KSR2: variants seen among roughly 807,000 people sequenced by gnomAD.
KSR2 encodes the protein kinase suppressor of ras 2.
KSR2 carries 25 observed loss-of-function variants against 107.8 expected under a neutral mutation model. The ratio of observed to expected loss-of-function variants is 0.23; its 90% confidence interval spans 0.17 to 0.32. The LOEUF is 0.32. Among genes scored for constraint, KSR2 ranks in the 10% least tolerant of loss-of-function variants. KSR2 has a pLI of 1.00. For synonymous variants in KSR2, 480 were observed against 507.0 expected, an observed-to-expected ratio of 0.95 and a Z score of 0.71; for missense variants, 887 against 1,268.9, an observed-to-expected ratio of 0.70 and a Z score of 4.57.
In KSR2 at chr12:117,884,920, C is replaced by T. The variant is rs547241422; in HGVS notation, c.181-24489G>A. On this transcript the variant is annotated intron_variant, in intron 1 of 19. Transcript: ENST00000339824. ...AATGGATTAGAAACAACCATAGCAC[C>T]TGCCGTGTAGGAAAACTGCACAGAA... 2.4e-4 allele frequency among the ~76,000 whole-genome samples: 36 copies of T among 152,282 alleles called. 1 individual carries two copies. Among genetic ancestry groups the T allele is most frequent in the Non-Finnish European group, 4.4e-4 (30 of 68,018 alleles).
intron 3 of KSR2, among the ~76,000 whole-genome samples, chr12:117,781,857 C>T (rs148821782): frequency 9.2e-5 from 14 of 152,230 alleles, no homozygotes; most frequent in African/African-American, 2.6e-4. Context: ...GAGATGCTGC[C>T]GAACCCAGAG....
chr12:117,720,609 G>A (rs1436126003), intron 4 of KSR2, among the ~76,000 whole-genome samples: 1 of 152,226 alleles, frequency 6.6e-6, no homozygotes, highest in Non-Finnish European at 1.5e-5. Context: ...TGTGTGCCAG[G>A]CAATGATAAG....
intron 14 of KSR2, among the ~76,000 whole-genome samples, chr12:117,506,778 T>C (rs1208818200): frequency 6.6e-6 from 1 of 152,164 alleles, no homozygotes; most frequent in African/African-American, 2.4e-5. Context: ...GCTTCCATAA[T>C]AGGATTGCCT....
intron 9 of KSR2, among the ~76,000 whole-genome samples, chr12:117,541,546 C>T (rs1342164406): frequency 6.6e-6 from 1 of 152,162 alleles, no homozygotes; most frequent in Non-Finnish European, 1.5e-5. Flanking sequence ...GCTAAGTGTT[C>T]CCAGGGGAGC....
At chr12:117,740,082 C>T (rs1181272206) in intron 4 of KSR2, among the ~76,000 whole-genome samples, 1 of 151,272 alleles carries the variant, frequency 6.6e-6, no homozygotes, top group South Asian at 2.1e-4. Flanking sequence ...CAGTGGCCCC[C>T]CACCCTTCCT....
At chr12:117,571,157 C>T (rs865792734) in intron 7 of KSR2, among the ~76,000 whole-genome samples, 6 of 152,162 alleles carry the variant, frequency 3.9e-5, no homozygotes, top group Middle Eastern at 3.4e-3. Context: ...ACTCAGGAGG[C>T]GGAGGCGGGA....
chr12:117,921,746 T>C (rs1399505307), intron 1 of KSR2, among the ~76,000 whole-genome samples: 1 of 152,198 alleles, frequency 6.6e-6, no homozygotes, highest in East Asian at 1.9e-4. Context: ...TACACGCTCA[T>C]TAAATGACAG....
At chr12:117,499,331 T>A (rs1317271452) in intron 14 of KSR2, among the ~76,000 whole-genome samples, 2 of 152,250 alleles carry the variant, frequency 1.3e-5, no homozygotes, top group Non-Finnish European at 2.9e-5. Flanking sequence ...ATAAGGTTTT[T>A]TTTCCCCTTG....
chr12:117,685,284 C>T (rs545879364), intron 4 of KSR2, among the ~76,000 whole-genome samples: 7 of 152,310 alleles, frequency 4.6e-5, no homozygotes, highest in East Asian at 1.9e-4. Context: ...ACCCATAAAT[C>T]GGTTACAGAC....
At chr12:117,755,370 A>T (rs1888752454) in intron 4 of KSR2, among the ~76,000 whole-genome samples, 1 of 152,208 alleles carries the variant, frequency 6.6e-6, no homozygotes, top group South Asian at 2.1e-4. Context: ...AGCTCACTTC[A>T]TGCCTCTGTG....
chr12:117,501,390 CA>C lies in KSR2; in HGVS notation c.2220-15700del, dbSNP rs549187368. On this transcript the variant is annotated intron_variant, in intron 14 of 19. Transcript: ENST00000339824. ...TGGAGCCAACAGAAATTGGGCTACT[CA>C]AACTAGAAGGGCTTTCTTCAATTTC... 1.1e-4 allele frequency among the ~76,000 whole-genome samples: 16 copies of C among 152,356 alleles called. No individual in the cohort carries two copies. The East Asian group carries it at 2.9e-3, about 28-fold the overall frequency.
chr12:117,961,232 T>A (rs1896649218), intron 1 of KSR2, among the ~76,000 whole-genome samples: 2 of 152,210 alleles, frequency 1.3e-5, no homozygotes, highest in Non-Finnish European at 2.9e-5. Flanking sequence ...TAAGGCTTTG[T>A]CTTCTCTGCA....
At chr12:117,870,595 T>C (rs1226939773) in intron 1 of KSR2, among the ~76,000 whole-genome samples, 1 of 151,738 alleles carries the variant, frequency 6.6e-6, no homozygotes, top group African/African-American at 2.4e-5. Flanking sequence ...AGCGAGACAC[T>C]GTCTCAAAAA....
chr12:117,894,315 C>T (rs1894440950), intron 1 of KSR2, among the ~76,000 whole-genome samples: 1 of 152,034 alleles, frequency 6.6e-6, no homozygotes, highest in Non-Finnish European at 1.5e-5. Flanking sequence ...TGTAAAATGT[C>T]GATATTTTGT....
chr12:117,841,296 C>G (rs1730143232), intron 3 of KSR2, among the ~76,000 whole-genome samples: 1 of 152,178 alleles, frequency 6.6e-6, no homozygotes, highest in African/African-American at 2.4e-5. Context: ...CCTGCATGTT[C>G]CCTGCAAGTT....
At chr12:117,469,912 ATCATCCAT>A in intron 18 of KSR2, 117 bp from the exon 19 acceptor site, 3 of 971,628 alleles carry the variant, frequency 3.1e-6, no homozygotes, top group Non-Finnish European at 4.7e-6. Flanking sequence ...ATATTCCTCC[ATCATCCAT>A]TCATCCATCC....
chr12:117,714,941 A>G (rs960821045), intron 4 of KSR2, among the ~76,000 whole-genome samples: 4 of 152,040 alleles, frequency 2.6e-5, no homozygotes, highest in Admixed American at 2.6e-4. Flanking sequence ...TCACCCCATC[A>G]TGTGTCCTGG....
chr12:117,866,039 T>TC (rs1566058001), intron 1 of KSR2, among the ~76,000 whole-genome samples: 4 of 78,702 alleles, frequency 5.1e-5, no homozygotes, highest in East Asian at 6.1e-4. Flanking sequence ...AATCTCTCTC[T>TC]TTTTTTTTTT....
chr12:117,478,158 T>C (rs1871910864), intron 16 of KSR2, among the ~76,000 whole-genome samples: 1 of 152,176 alleles, frequency 6.6e-6, no homozygotes, highest in Admixed American at 6.5e-5. Context: ...AAGGTCTCTG[T>C]GGGGACCTGG....
Sources: allele counts gnomAD v4.1 joint callset (sites outside exome capture counted in the v4.1 genomes callset), GRCh38; gene constraint gnomAD v4.1.1; transcripts MANE v1.5; gene names NCBI Gene and HGNC (gene_info 2026-07-23, HGNC 2026-07-21).